SNTB1: variants seen among roughly 807,000 people sequenced by gnomAD.
The protein encoded by SNTB1 is beta-1-syntrophin.
In SNTB1, 36 loss-of-function variants were observed where a neutral mutation model predicts 48.9. The observed-to-expected ratio is 0.74, with a 90% confidence interval of 0.56 to 0.97. SNTB1 has a LOEUF of 0.97. Among genes scored for constraint, SNTB1 ranks in the 50% least tolerant of loss-of-function variants. The pLI, the probability that SNTB1 is intolerant of heterozygous loss-of-function variation, is 0.00. For synonymous variants in SNTB1, 299 were observed against 294.6 expected (o/e 1.01, Z -0.15); for missense variants, 786 against 703.4 (o/e 1.12, Z -1.33).
chr8:120,738,089 T>A (rs1053508229), intron 1 of SNTB1, among the ~76,000 whole-genome samples: 1 of 152,008 alleles, frequency 6.6e-6, no homozygotes, highest in Non-Finnish European at 1.5e-5. Context: ...ACCTCATGAA[T>A]GAGATTAGTA....
At chr8:120,729,736 T>G (rs1192202520) in intron 1 of SNTB1, among the ~76,000 whole-genome samples, 4 of 152,256 alleles carry the variant, frequency 2.6e-5, no homozygotes, top group Non-Finnish European at 4.4e-5. Context: ...CCTGTTGCTT[T>G]CAGAGCAGCT....
chr8:120,578,277 T>C (rs1359348348), intron 3 of SNTB1, among the ~76,000 whole-genome samples: 4 of 151,924 alleles, frequency 2.6e-5, no homozygotes, highest in East Asian at 1.9e-4. Context: ...CCTGACCTCA[T>C]GATCTGCCTG....
At chr8:120,580,657 C>A (rs1424132785) in intron 3 of SNTB1, among the ~76,000 whole-genome samples, 1 of 152,186 alleles carries the variant, frequency 6.6e-6, no homozygotes, top group Non-Finnish European at 1.5e-5. Context: ...TAATTGAAGT[C>A]TGTTTCGCCT....
At chr8:120,649,332 C>T (rs1817361846) in intron 2 of SNTB1, among the ~76,000 whole-genome samples, 1 of 145,864 alleles carries the variant, frequency 6.9e-6, no homozygotes, top group African/African-American at 2.5e-5. Flanking sequence ...TGGTGATGTA[C>T]AGATGGGTTT....
chr8:120,755,790 T>A (rs1300899895), intron 1 of SNTB1, among the ~76,000 whole-genome samples: 1 of 152,142 alleles, frequency 6.6e-6, no homozygotes, highest in African/African-American at 2.4e-5. Context: ...CAAGTTATGT[T>A]CTAATAGCTT....
chr8:120,801,246 A>T (rs1182825620), intron 1 of SNTB1, among the ~76,000 whole-genome samples: 2 of 152,008 alleles, frequency 1.3e-5, no homozygotes, highest in African/African-American at 4.8e-5. Flanking sequence ...GGCCTCAAAG[A>T]ACCAAATAAT....
intron 1 of SNTB1, among the ~76,000 whole-genome samples, chr8:120,740,759 T>A (rs1191364789): frequency 6.8e-6 from 1 of 146,746 alleles, no homozygotes; most frequent in Non-Finnish European, 1.5e-5. Context: ...CTTTTCTTCT[T>A]CTTTTTTTTT....
intron 1 of SNTB1, among the ~76,000 whole-genome samples, chr8:120,724,157 T>A (rs951907345): frequency 2.0e-5 from 3 of 152,212 alleles, no homozygotes; most frequent in African/African-American, 7.2e-5. Flanking sequence ...TGCTGTAGGT[T>A]CAAACTGGGT....
At chr8:120,701,419 A>G (rs867765431) in intron 1 of SNTB1, among the ~76,000 whole-genome samples, 7 of 152,188 alleles carry the variant, frequency 4.6e-5, no homozygotes, top group Admixed American at 6.5e-5. Flanking sequence ...CCTACCCTTC[A>G]AACATTCTCT....
chr8:120,718,440 C>G (rs1175847117), intron 1 of SNTB1, among the ~76,000 whole-genome samples: 1 of 152,240 alleles, frequency 6.6e-6, no homozygotes, highest in Non-Finnish European at 1.5e-5. Context: ...GGCCACTTCT[C>G]CCCCTGGTCT....
intron 1 of SNTB1, among the ~76,000 whole-genome samples, chr8:120,741,746 A>G (rs1819043971): frequency 6.6e-6 from 1 of 152,236 alleles, no homozygotes; most frequent in Non-Finnish European, 1.5e-5. Context: ...TCAGCAAACT[A>G]TAGCCAATCT....
chr8:120,749,317 C>T (rs556316599), intron 1 of SNTB1, among the ~76,000 whole-genome samples: 37 of 152,260 alleles, frequency 2.4e-4, no homozygotes, highest in African/African-American at 8.7e-4. Flanking sequence ...TCTCTTTCTT[C>T]TGTACATGTT....
At chr8:120,705,715 A>G (rs565372329) in intron 1 of SNTB1, among the ~76,000 whole-genome samples, 14 of 152,322 alleles carry the variant, frequency 9.2e-5, no homozygotes, top group Admixed American at 2.6e-4. Context: ...AAAGACTCCA[A>G]TATAGTGAGA....
intron 1 of SNTB1, among the ~76,000 whole-genome samples, chr8:120,757,384 TAAG>T (rs2078700827): frequency 6.6e-6 from 1 of 152,136 alleles, no homozygotes; most frequent in African/African-American, 2.4e-5. Flanking sequence ...AAGGAGGAAA[TAAG>T]AAGTCTACAA....
chr8:120,625,426 T>C (rs1816858299), intron 3 of SNTB1, among the ~76,000 whole-genome samples: 1 of 152,216 alleles, frequency 6.6e-6, no homozygotes. Context: ...CAATTCACTT[T>C]ACTAAATTCA....
At chr8:120,648,305 C>A (rs1487516959) in intron 2 of SNTB1, among the ~76,000 whole-genome samples, 29 of 148,246 alleles carry the variant, frequency 2.0e-4, no homozygotes, top group African/African-American at 6.9e-4. Flanking sequence ...CGGCTGGTAC[C>A]GGTTGTTCCT....
intron 3 of SNTB1, among the ~76,000 whole-genome samples, chr8:120,602,726 A>G (rs1816441351): frequency 6.6e-6 from 1 of 151,876 alleles, no homozygotes; most frequent in South Asian, 2.1e-4. Flanking sequence ...ACAATCTAAT[A>G]TTTTCTATTC....
chr8:120,627,300 A>C (rs958303094), intron 3 of SNTB1, among the ~76,000 whole-genome samples: 1 of 152,226 alleles, frequency 6.6e-6, no homozygotes, highest in Admixed American at 6.5e-5. Flanking sequence ...TAATTAAATA[A>C]TGATAACTGA....
Position 120,811,471 on chromosome 8 carries a change from T to G in SNTB1, c.373A>C (p.Ile125Leu), listed in dbSNP as rs750898299. ...TTCTCCTTGCCCCCCTTGATGCTGA[T>G]CCCCAGCCCGCCCAGCTCCTGCTTC... ...VLKQELGGLG[I>L]SIKGGKENKM... The change falls in exon 1 of 7, where the codon ATC (isoleucine) becomes CTC (leucine). Residue 125 changes from isoleucine to leucine, a missense_variant. Transcript: ENST00000517992. The G allele has an allele frequency of 6.2e-7, 1 of 1,613,956 alleles. No individual in the cohort carries two copies. The highest frequency in any genetic ancestry group is 8.5e-7 in the Non-Finnish European group (1 of 1,179,908).
Sources: allele counts gnomAD v4.1 joint callset (sites outside exome capture counted in the v4.1 genomes callset), GRCh38; gene constraint gnomAD v4.1.1; transcripts MANE v1.5; gene names NCBI Gene and HGNC (gene_info 2026-07-23, HGNC 2026-07-21).